Variants in LRP1B observed in about 807,000 individuals in gnomAD.
LRP1B encodes low-density lipoprotein receptor-related protein 1B.
A neutral mutation model predicts 556.6 loss-of-function variants in LRP1B; 217 were observed. That is an observed-to-expected ratio of 0.39 (90% CI 0.35 to 0.44). The LOEUF (loss-of-function observed/expected upper bound fraction) is 0.44. Among genes scored for constraint, LRP1B ranks in the 20% least tolerant of loss-of-function variants. The pLI is 1.00. For synonymous variants in LRP1B, 2,047 were observed against 1,865.8 expected (o/e 1.10, Z -2.50); for missense variants, 5,053 against 5,620.8 (o/e 0.90, Z 3.23).
intron 29 of LRP1B, among the ~76,000 whole-genome samples, chr2:140,849,845 A>G (rs189324933): frequency 6.6e-6 from 1 of 152,206 alleles, no homozygotes; most frequent in East Asian, 1.9e-4. Context: ...CAGCCGAGAA[A>G]TCTAAATTTT....
intron 7 of LRP1B, among the ~76,000 whole-genome samples, chr2:141,096,629 G>GAGGGAGAGAGAGAGAGA (rs1558858138): frequency 6.7e-5 from 4 of 59,744 alleles, no homozygotes; most frequent in Admixed American, 4.3e-4. Context: ...GGGGAGAGGG[G>GAGGGAGAGAGAGAGAGA]GAGAGAGAGA....
intron 1 of LRP1B, among the ~76,000 whole-genome samples, chr2:141,991,766 C>A (rs546387291): frequency 9.9e-5 from 15 of 152,136 alleles, no homozygotes; most frequent in South Asian, 4.1e-4. Flanking sequence ...CTGTAGTTTT[C>A]AACATTACCT....
At chr2:140,337,016 A>G (rs1681137180) in intron 77 of LRP1B, among the ~76,000 whole-genome samples, 1 of 151,878 alleles carries the variant, frequency 6.6e-6, no homozygotes, top group South Asian at 2.1e-4. Flanking sequence ...TGAGTTTTTA[A>G]CACATGAAGT....
At chr2:140,626,197 G>C (rs940320267) in intron 41 of LRP1B, among the ~76,000 whole-genome samples, 3 of 152,130 alleles carry the variant, frequency 2.0e-5, no homozygotes, top group African/African-American at 7.2e-5. Flanking sequence ...AAAGATCAGT[G>C]ATTACCAGGG....
intron 1 of LRP1B, among the ~76,000 whole-genome samples, chr2:142,024,742 A>C (rs1336828554): frequency 6.6e-6 from 1 of 151,400 alleles, no homozygotes; most frequent in African/African-American, 2.4e-5. Context: ...AGGCTTTTAC[A>C]GCTGCTCTAT....
chr2:140,376,037 TA>T (rs1206694369), intron 68 of LRP1B, among the ~76,000 whole-genome samples: 21 of 147,552 alleles, frequency 1.4e-4, no homozygotes, highest in African/African-American at 2.2e-4. Flanking sequence ...TTCTAGACTG[TA>T]AAAAAAAAAG....
chr2:141,908,992 A>G (rs1699833187), intron 1 of LRP1B, among the ~76,000 whole-genome samples: 1 of 152,102 alleles, frequency 6.6e-6, no homozygotes, highest in Non-Finnish European at 1.5e-5. Flanking sequence ...TGGAGGTGTA[A>G]GAGTCGGAGT....
intron 1 of LRP1B, among the ~76,000 whole-genome samples, chr2:142,082,623 G>A (rs1008297530): frequency 6.6e-6 from 1 of 152,158 alleles, no homozygotes; most frequent in African/African-American, 2.4e-5. Flanking sequence ...CAGCTGCTGA[G>A]GAACACAGGA....
chr2:140,431,643 A>G (rs1166299605), intron 66 of LRP1B, among the ~76,000 whole-genome samples: 1 of 152,156 alleles, frequency 6.6e-6, no homozygotes, highest in Non-Finnish European at 1.5e-5. Flanking sequence ...GCACTCTCTA[A>G]TTAGATGTCC....
intron 1 of LRP1B, among the ~76,000 whole-genome samples, chr2:141,832,910 T>C (rs1015355927): frequency 2.6e-5 from 4 of 151,802 alleles, no homozygotes; most frequent in African/African-American, 9.7e-5. Context: ...CAGAACAAAA[T>C]ACCACATTAT....
intron 5 of LRP1B, among the ~76,000 whole-genome samples, chr2:141,231,988 C>A (rs1340039385): frequency 6.6e-6 from 1 of 152,156 alleles, no homozygotes; most frequent in Non-Finnish European, 1.5e-5. Flanking sequence ...ATGCTAAGAT[C>A]ATTTCCACAA....
chr2:140,668,147 C>A (rs1685346079), intron 41 of LRP1B, among the ~76,000 whole-genome samples: 1 of 151,688 alleles, frequency 6.6e-6, no homozygotes, highest in Non-Finnish European at 1.5e-5. Context: ...CCCGTCTCTA[C>A]TAAAAATACA....
intron 35 of LRP1B, among the ~76,000 whole-genome samples, chr2:140,757,926 C>T (rs909558740): frequency 1.3e-5 from 2 of 151,980 alleles, no homozygotes; most frequent in African/African-American, 2.4e-5. Flanking sequence ...TGACTTGAGG[C>T]TGGGAGTTTG....
intron 1 of LRP1B, among the ~76,000 whole-genome samples, chr2:141,929,432 A>G (rs1337463406): frequency 6.6e-6 from 1 of 151,896 alleles, no homozygotes; most frequent in Admixed American, 6.6e-5. Context: ...GAAGTCAATC[A>G]CATATAACAG....
intron 15 of LRP1B, among the ~76,000 whole-genome samples, chr2:141,003,802 C>T (rs1697492897): frequency 6.6e-6 from 1 of 151,992 alleles, no homozygotes; most frequent in African/African-American, 2.4e-5. Context: ...AAGACTAATA[C>T]AAATCACAAA....
At chr2:140,269,587 C>T (rs1237469762) in intron 86 of LRP1B, among the ~76,000 whole-genome samples, 1 of 151,960 alleles carries the variant, frequency 6.6e-6, no homozygotes, top group Non-Finnish European at 1.5e-5. Context: ...GGGCATCATC[C>T]TTTTGGTCAA....
chr2:141,477,419 TTCCTAATTAACTCTCCAGGAAAC>T, intron 3 of LRP1B, among the ~76,000 whole-genome samples: 1 of 152,152 alleles, frequency 6.6e-6, no homozygotes, highest in African/African-American at 2.4e-5. Flanking sequence ...ATGGGGCTGG[TTCCTAATTAACTCTCCAGGAAAC>T]AATGTTTCAT....
chr2:142,126,856 G>T (rs1431354913), intron 1 of LRP1B, among the ~76,000 whole-genome samples: 1 of 151,848 alleles, frequency 6.6e-6, no homozygotes, highest in African/African-American at 2.4e-5. Flanking sequence ...GTCCTGTTCA[G>T]TTCAGGTGAC....
At chr2:140,463,626 T>C (rs1455306493) in intron 60 of LRP1B, among the ~76,000 whole-genome samples, 1 of 152,192 alleles carries the variant, frequency 6.6e-6, no homozygotes, top group Non-Finnish European at 1.5e-5. Flanking sequence ...GGCCAACATT[T>C]CCAACTGTTA....
Sources: allele counts gnomAD v4.1 joint callset (sites outside exome capture counted in the v4.1 genomes callset), GRCh38; gene constraint gnomAD v4.1.1; transcripts MANE v1.5; gene names NCBI Gene and HGNC (gene_info 2026-07-23, HGNC 2026-07-21).